ATP2B2: variants seen among roughly 807,000 people sequenced by gnomAD.
ATP2B2 encodes the protein ATPase plasma membrane Ca2+ transporting 2, also known as plasma membrane calcium-transporting ATPase 2.
In ATP2B2, 15 loss-of-function variants were observed where a neutral mutation model predicts 120.0. That is an observed-to-expected ratio of 0.12 (90% CI 0.08 to 0.19). The LOEUF (loss-of-function observed/expected upper bound fraction) is 0.19. Among genes scored for constraint, ATP2B2 ranks in the 10% least tolerant of loss-of-function variants. The pLI, the probability that ATP2B2 is intolerant of heterozygous loss-of-function variation, is 1.00. For missense variants in ATP2B2, 1,045 were observed against 1,719.8 expected (o/e 0.61, Z 6.94); for synonymous variants, 694 against 700.3 (o/e 0.99, Z 0.14).
intron 1 of ATP2B2, among the ~76,000 whole-genome samples, chr3:10,668,264 G>A (rs928245423): frequency 6.6e-6 from 1 of 152,210 alleles, no homozygotes; most frequent in Non-Finnish European, 1.5e-5. Context: ...TCACCATCGG[G>A]TAAAGGTTCA....
chr3:10,548,263 G>T (rs1410719352), intron 2 of ATP2B2, among the ~76,000 whole-genome samples: 1 of 152,172 alleles, frequency 6.6e-6, no homozygotes, highest in Admixed American at 6.5e-5. Flanking sequence ...CCACTTAATC[G>T]TCATAGCAAC....
At chr3:10,639,676 C>T (rs751585387) in intron 1 of ATP2B2, among the ~76,000 whole-genome samples, 4 of 152,152 alleles carry the variant, frequency 2.6e-5, no homozygotes, top group Admixed American at 6.5e-5. Context: ...TGACTGGGTG[C>T]GGAGTTGTTG....
In ATP2B2 at chr3:10,636,058, G is replaced by A. The variant is rs558255341; in HGVS notation, c.-459-16097C>T. On this transcript the variant is annotated intron_variant, in intron 1 of 21. Transcript: ENST00000646379. ...TCTTACACTTAAACTTCTAAGAGGC[G>A]GATGAAAGCCTCTGCCTGCCGACCC... Among the ~76,000 whole-genome samples, 183 of 152,296 alleles carry A rather than the reference G, an allele frequency of 1.2e-3. 1 individual carries two copies. The highest frequency in any genetic ancestry group is 4.1e-3 in the African/African-American group (170 of 41,566).
At chr3:10,662,323 A>G (rs149241048) in intron 1 of ATP2B2, among the ~76,000 whole-genome samples, 32,389 of 150,660 alleles carry the variant, frequency 0.21, 5,845 homozygotes, top group African/African-American at 0.49. Context: ...AATGGGAAAA[A>G]ATTTTTGCAA....
intron 3 of ATP2B2, among the ~76,000 whole-genome samples, chr3:10,533,742 C>A (rs1186574152): frequency 6.6e-6 from 1 of 152,246 alleles, no homozygotes; most frequent in Non-Finnish European, 1.5e-5. Flanking sequence ...CTCCCCAGTG[C>A]CAGTGCTGGG....
chr3:10,434,589 T>C lies in ATP2B2; in HGVS notation c.199+14756A>G, dbSNP rs1413781054. On this transcript the variant is annotated intron_variant, in intron 2 of 22. Coordinates refer to ENST00000360273, the MANE Select transcript of ATP2B2 (RefSeq NM_001001331.4). ...GGCATATCTGGACCCCTTTTTCAGA[T>C]GAAGAAACTGAGGCTCAGAGAGGGA... Among the ~76,000 whole-genome samples the C allele has an allele frequency of 3.3e-5, 5 of 152,334 alleles. No homozygotes were observed. The East Asian group carries it at 7.7e-4, about 23-fold the overall frequency.
chr3:10,464,662 A>G (rs575530322), intron 1 of ATP2B2, among the ~76,000 whole-genome samples: 1 of 152,172 alleles, frequency 6.6e-6, no homozygotes, highest in South Asian at 2.1e-4. Flanking sequence ...CATGGAAACC[A>G]CTTAAGTCGT....
chr3:10,607,801 G>A (rs189553711), intron 2 of ATP2B2, among the ~76,000 whole-genome samples: 3 of 152,340 alleles, frequency 2.0e-5, no homozygotes, highest in Admixed American at 2.0e-4. Context: ...GATTTGGAGG[G>A]TGTGTGGATG....
chr3:10,396,473 A>G (rs896191486), intron 5 of ATP2B2, among the ~76,000 whole-genome samples: 4 of 152,272 alleles, frequency 2.6e-5, no homozygotes, highest in African/African-American at 4.8e-5. Flanking sequence ...CTCAACCACC[A>G]TAACGACACC....
chr3:10,511,941 G>C (rs967441482), intron 3 of ATP2B2, among the ~76,000 whole-genome samples: 5 of 152,170 alleles, frequency 3.3e-5, no homozygotes, highest in African/African-American at 1.2e-4. Context: ...GAAGAAAGGA[G>C]GAAAGGGAGC....
At chr3:10,520,989 G>A (rs2066974398) in intron 3 of ATP2B2, among the ~76,000 whole-genome samples, 1 of 152,198 alleles carries the variant, frequency 6.6e-6, no homozygotes, top group African/African-American at 2.4e-5. Flanking sequence ...GACTTTTCCA[G>A]CTAATAACAG....
At chr3:10,564,709 T>C (rs1001609468) in intron 2 of ATP2B2, among the ~76,000 whole-genome samples, 3 of 152,222 alleles carry the variant, frequency 2.0e-5, no homozygotes, top group Non-Finnish European at 4.4e-5. Context: ...TTAGGAATGA[T>C]GGCAATGACA....
rs1365245369 is a variant in ATP2B2, at chr3:10,446,413, A to G, written c.199+2932T>C. On this transcript the variant is annotated intron_variant, in intron 2 of 22. Coordinates refer to ENST00000360273, the MANE Select transcript of ATP2B2 (RefSeq NM_001001331.4). ...CTGGGGCTGAATCCTACCACACAGA[A>G]CTACCCGTGTGTCAGGGACTGTTCT... 4.6e-5 allele frequency among the ~76,000 whole-genome samples: 7 copies of G among 152,158 alleles called. No homozygotes were observed. In the South Asian group the frequency reaches 6.2e-4, roughly 14 times the overall value.
At chr3:10,518,352 C>G (rs990251396) in intron 3 of ATP2B2, among the ~76,000 whole-genome samples, 1 of 152,168 alleles carries the variant, frequency 6.6e-6, no homozygotes, top group South Asian at 2.1e-4. Context: ...AATGCGGACT[C>G]GCGTCTGCCT....
chr3:10,342,585 G>C lies in ATP2B2; in HGVS notation c.2917+167C>G, dbSNP rs1010515182. Among the ~76,000 whole-genome samples the C allele has an allele frequency of 1.3e-5, 2 of 152,088 alleles. No individual in the cohort carries two copies. Among genetic ancestry groups the C allele is most frequent in the Non-Finnish European group, 1.5e-5 (1 of 68,010 alleles). ...TGGGACAGGGCCAGGCCCTGTTCAAGACTTGCTGGTGTGACCTTGGGCAAC... is the reference window on the plus strand; with the variant it reads ...TGGGACAGGGCCAGGCCCTGTTCAACACTTGCTGGTGTGACCTTGGGCAAC... On this transcript the variant is annotated intron_variant, in intron 19 of 22. Transcript: ENST00000360273. The surrounding 1 kb of genome is among the most constrained non-coding windows in gnomAD (Gnocchi z 4.4).
At chr3:10,604,070 C>T (rs1417507792) in intron 2 of ATP2B2, among the ~76,000 whole-genome samples, 1 of 152,162 alleles carries the variant, frequency 6.6e-6, no homozygotes, top group Non-Finnish European at 1.5e-5. Context: ...TACTTTTCTC[C>T]TCCCAGATGC....
At chr3:10,694,846 C>G (rs71316420) in intron 1 of ATP2B2, among the ~76,000 whole-genome samples, 69 of 152,088 alleles carry the variant, frequency 4.5e-4, no homozygotes, top group Non-Finnish European at 8.2e-4. Context: ...CCCCTTCCCC[C>G]CTCCCTCTCT....
At chr3:10,640,825 TTG>T (rs2070151131) in intron 1 of ATP2B2, among the ~76,000 whole-genome samples, 1 of 152,070 alleles carries the variant, frequency 6.6e-6, no homozygotes, top group African/African-American at 2.4e-5. Flanking sequence ...GGAGGAAATG[TTG>T]TGGAAAGGAA....
chr3:10,500,745 G>C (rs1389887532), intron 1 of ATP2B2, among the ~76,000 whole-genome samples: 5 of 152,220 alleles, frequency 3.3e-5, no homozygotes, highest in Non-Finnish European at 7.3e-5. Context: ...TCCAGAAGTG[G>C]GAGACAATAC....
Sources: allele counts gnomAD v4.1 joint callset (sites outside exome capture counted in the v4.1 genomes callset), GRCh38; gene constraint gnomAD v4.1.1; non-coding constraint Gnocchi (gnomAD v3.1); transcripts MANE v1.5; gene names NCBI Gene and HGNC (gene_info 2026-07-23, HGNC 2026-07-21).